Variants in GJA3 observed in about 807,000 individuals in gnomAD.
The protein encoded by GJA3 is gap junction protein alpha 3.
For synonymous variants in GJA3, 297 were observed against 292.6 expected, an observed-to-expected ratio of 1.02 and a Z score of -0.15; for missense variants, 571 against 620.3, an observed-to-expected ratio of 0.92 and a Z score of 0.84.
chr13:20,159,626 T>A (rs933434825), intron 1 of GJA3, among the ~76,000 whole-genome samples: 1 of 152,120 alleles, frequency 6.6e-6, no homozygotes, highest in South Asian at 2.1e-4. Flanking sequence ...TGGCAAAAAA[T>A]TTTGTTACCC....
chr13:20,142,574 C>T lies in GJA3; in HGVS notation c.715G>A (p.Gly239Ser), dbSNP rs761959857. The T allele has an allele frequency of 6.2e-7, 1 of 1,600,002 alleles. No individual in the cohort carries two copies. The highest frequency in any genetic ancestry group is 8.5e-7 in the Non-Finnish European group (1 of 1,173,918). ...AGCGGGGCCTCGGAGGCGTCCGGGC[C>T]GAGGCGGCTGGTCACGCCCTGCTTG... Reference protein sequence around the residue: ...KLKQGVTSRLGPDASEAPLGT... With the variant: ...KLKQGVTSRLSPDASEAPLGT... Residue 239 changes from glycine (G) to serine (S), a missense_variant, in exon 2 of 2, where the codon GGC becomes AGC. Physicochemically the swap from Gly to Ser is moderately conservative, Grantham distance 56 (BLOSUM62 0). Transcript: ENST00000241125.
In GJA3 at chr13:20,142,858, G is replaced by A. The variant is rs373183152; in HGVS notation, c.431C>T (p.Ala144Val). The change falls in exon 2 of 2, where the codon GCG (alanine) becomes GTG (valine). Residue 144 changes from alanine to valine, a missense_variant. Coordinates refer to ENST00000241125, the MANE Select transcript of GJA3 (RefSeq NM_021954.4). ...GTTGAAGACGTAGGTCCGCAGCAGC[G>A]CCCCGGCCATGCGCACCCTGCCGCG... ...DDRGRVRMAGALLRTYVFNII... is the reference protein window; with the variant it reads ...DDRGRVRMAGVLLRTYVFNII... The A allele has an allele frequency of 1.2e-6, 2 of 1,611,700 alleles. No homozygotes were observed. Among genetic ancestry groups the A allele is most frequent in the Non-Finnish European group, 1.7e-6 (2 of 1,179,084 alleles).
At chr13:20,150,364 C>T (rs1958869519) in intron 1 of GJA3, among the ~76,000 whole-genome samples, 1 of 131,650 alleles carries the variant, frequency 7.6e-6, no homozygotes, top group South Asian at 3.2e-4. Flanking sequence ...CAGGAGACCA[C>T]TGCTCCTGGT....
chr13:20,141,809 C>A lies in GJA3; in HGVS notation c.*172G>T. 1.0e-6 allele frequency: 1 copy of A among 968,216 alleles called. No individual in the cohort carries two copies. Among genetic ancestry groups the A allele is most frequent in the Non-Finnish European group, 1.5e-6 (1 of 661,812 alleles). 60.0% of individuals were successfully genotyped at this position (968,216 alleles called of 1,614,324 possible). ...CTGTAACTCACAGTGCTAAGAACAG[C>A]AAGCATTGAACACGGAAACCTGATC... is the stretch of plus-strand genomic sequence containing the variant. On this transcript the variant is annotated 3_prime_UTR_variant, in exon 2 of 2. Coordinates refer to ENST00000241125, the MANE Select transcript of GJA3 (RefSeq NM_021954.4).
intron 1 of GJA3, among the ~76,000 whole-genome samples, chr13:20,154,238 T>C (rs1204494151): frequency 1.3e-5 from 2 of 152,240 alleles, no homozygotes; most frequent in Admixed American, 6.5e-5. Context: ...GCAAGTGCAA[T>C]GGCTTCACTG....
intron 1 of GJA3, among the ~76,000 whole-genome samples, chr13:20,147,441 G>C (rs1208283522): frequency 6.6e-6 from 1 of 152,168 alleles, no homozygotes; most frequent in Non-Finnish European, 1.5e-5. Flanking sequence ...AAAATATAAA[G>C]TAGCCATTAG....
Position 20,143,131 on chromosome 13 carries a change from G to A in GJA3, c.158C>T (p.Thr53Ile). The A allele has an allele frequency of 6.2e-7, 1 of 1,613,422 alleles. No homozygotes were observed. The highest frequency in any genetic ancestry group is 8.5e-7 in the Non-Finnish European group (1 of 1,179,682). Reference sequence around the variant, plus strand: ...GCAGCCCGGCTGCTGGGTGTTGCAGGTGAAGTCTGACTGCTCATCGCCCCA... The same window carrying A: ...GCAGCCCGGCTGCTGGGTGTTGCAGATGAAGTCTGACTGCTCATCGCCCCA... ...DVWGDEQSDFTCNTQQPGCEN... is the reference protein window; with the variant it reads ...DVWGDEQSDFICNTQQPGCEN... Residue 53 changes from threonine (T) to isoleucine (I), a missense_variant, in exon 2 of 2, where the codon ACC becomes ATC. Thr to Ile is a moderately conservative substitution (Grantham distance 89). Coordinates refer to ENST00000241125, the MANE Select transcript of GJA3 (RefSeq NM_021954.4).
At chr13:20,158,464 A>G (rs1032768759) in intron 1 of GJA3, among the ~76,000 whole-genome samples, 26 of 152,070 alleles carry the variant, frequency 1.7e-4, no homozygotes, top group African/African-American at 6.0e-4. Flanking sequence ...GGAGGTCTAA[A>G]TGTAAAAAGC....
Position 20,146,722 on chromosome 13 carries a change from C to T in GJA3, c.-17-3417G>A, listed in dbSNP as rs140997872. Among the ~76,000 whole-genome samples, 981 of 152,304 alleles carry T rather than the reference C, an allele frequency of 6.4e-3. 6 individuals are homozygous for T. The highest frequency in any genetic ancestry group is 0.022 in the African/African-American group (922 of 41,566). On this transcript the variant is annotated intron_variant, in intron 1 of 1. Coordinates refer to ENST00000241125, the MANE Select transcript of GJA3 (RefSeq NM_021954.4). ...TGGAAAAGAATGAGAGACATGAATC[C>T]AACAATACCTTTGACCTCTAATTCT...
intron 1 of GJA3, among the ~76,000 whole-genome samples, chr13:20,148,824 G>A (rs1051013841): frequency 2.0e-5 from 3 of 152,186 alleles, no homozygotes; most frequent in African/African-American, 7.2e-5. Flanking sequence ...AGGTGCACGC[G>A]ACCTAATGAC....
chr13:20,143,810 A>G (rs749299127), intron 1 of GJA3, among the ~76,000 whole-genome samples: 5 of 152,216 alleles, frequency 3.3e-5, no homozygotes, highest in Non-Finnish European at 7.3e-5. Context: ...ATTTATCTCA[A>G]CTAGGAAAGT....
intron 1 of GJA3, among the ~76,000 whole-genome samples, chr13:20,147,074 A>G (rs1256459871): frequency 1.3e-5 from 2 of 152,212 alleles, no homozygotes; most frequent in Non-Finnish European, 2.9e-5. Context: ...AATGTCTGGG[A>G]AAGCTTTGGT....
Position 20,142,049 on chromosome 13 carries a change from G to C in GJA3, c.1240C>G (p.Pro414Ala), listed in dbSNP as rs1047204525. The C allele has an allele frequency of 3.6e-5, 56 of 1,550,122 alleles. No individual in the cohort carries two copies. The highest frequency in any genetic ancestry group is 1.7e-4 in the Middle Eastern group (1 of 5,976). Residue 414 changes from proline (P) to alanine (A), a missense_variant, in exon 2 of 2, where the codon CCA (proline) becomes GCA (alanine). By Grantham distance (27) the Pro-to-Ala change is conservative. Transcript: ENST00000241125. ...MHQPPLPLGD[P>A]GRASKASRAS... is the part of the protein sequence containing the mutation. ...CTGCTGGCCTTGCTGGCCCGACCTG[G>C]GTCTCCGAGGGGCAAGGGCGGCTGG...
At chr13:20,150,091 A>G (rs948932242) in intron 1 of GJA3, among the ~76,000 whole-genome samples, 1 of 152,212 alleles carries the variant, frequency 6.6e-6, no homozygotes, top group Non-Finnish European at 1.5e-5. Flanking sequence ...GAGTCAGGGA[A>G]TAAAAAAGCT....
intron 1 of GJA3, among the ~76,000 whole-genome samples, chr13:20,151,128 C>T (rs1028627965): frequency 6.6e-6 from 1 of 151,930 alleles, no homozygotes; most frequent in Non-Finnish European, 1.5e-5. Context: ...GGGGCGGGAG[C>T]AAGGTGGCTC....
At chr13:20,150,478 C>T (rs959818355) in intron 1 of GJA3, among the ~76,000 whole-genome samples, 3 of 152,144 alleles carry the variant, frequency 2.0e-5, no homozygotes, top group South Asian at 2.1e-4. Context: ...AAGGCACCCT[C>T]GGTCTGTGCC....
rs1958791409 is a variant in GJA3, at chr13:20,138,843, G to A, written c.*3138C>T. The A allele has an allele frequency of 6.6e-6, 1 of 152,114 alleles. No homozygotes were observed. Among genetic ancestry groups the A allele is most frequent in the Non-Finnish European group, 1.5e-5 (1 of 68,004 alleles). 9.4% of individuals were successfully genotyped at this position (152,114 alleles called of 1,614,324 possible). A position where few individuals can be genotyped will look rare whatever the true frequency, so the allele number is the denominator to read the frequency against. On this transcript the variant is annotated 3_prime_UTR_variant, in exon 2 of 2. Coordinates refer to ENST00000241125, the MANE Select transcript of GJA3 (RefSeq NM_021954.4). ...TATTCAGTAATACAAAATAAAGAAA[G>A]TGTTAATAATACTTTTTAAAAAGCC... is the stretch of plus-strand genomic sequence containing the variant.
rs1017289530 is a variant in GJA3, at chr13:20,139,294, A to G, written c.*2687T>C. The stretch of plus-strand genomic sequence containing the variant: ...AATACTCAAATGCTATAGGTATAGC[A>G]TTTGAGTTTTAAAATAGGCTTAGAG... On this transcript the variant is annotated 3_prime_UTR_variant, in exon 2 of 2. Transcript: ENST00000241125. The G allele has an allele frequency of 3.3e-5, 5 of 152,172 alleles. No homozygotes were observed. The highest frequency in any genetic ancestry group is 1.2e-4 in the African/African-American group (5 of 41,450). 9.4% of individuals were successfully genotyped at this position (152,172 alleles called of 1,614,324 possible).
chr13:20,145,721 C>A (rs946342931), intron 1 of GJA3, among the ~76,000 whole-genome samples: 1 of 152,240 alleles, frequency 6.6e-6, no homozygotes, highest in East Asian at 1.9e-4. Flanking sequence ...AAGCCCCGCT[C>A]CGTCCGGCCA....
Sources: allele counts gnomAD v4.1 joint callset (sites outside exome capture counted in the v4.1 genomes callset), GRCh38; gene constraint gnomAD v4.1.1; transcripts MANE v1.5; gene names NCBI Gene and HGNC (gene_info 2026-07-23, HGNC 2026-07-21).